The following NAV2 variants were observed in gnomAD, a reference collection of about 807,000 sequenced individuals.
NAV2 encodes the protein helicase, APC down-regulated 1.
In NAV2, 54 loss-of-function variants were observed where a neutral mutation model predicts 223.2. That is an observed-to-expected ratio of 0.24 (90% CI 0.19 to 0.30). NAV2 has a LOEUF of 0.30. NAV2 is among the 10% of genes least tolerant of loss of function. The pLI is 1.00. For synonymous variants in NAV2, 1,279 were observed against 1,239.3 expected (o/e 1.03, Z -0.67); for missense variants, 2,806 against 3,147.5 (o/e 0.89, Z 2.60).
chr11:20,076,524 T>C (rs931692171), intron 22 of NAV2, among the ~76,000 whole-genome samples: 3 of 152,244 alleles, frequency 2.0e-5, no homozygotes, highest in Non-Finnish European at 2.9e-5. Context: ...TAATGGCTTC[T>C]TCAGTCTATT....
At chr11:20,083,291 T>C (rs1233225635) in intron 26 of NAV2, 112 bp downstream of exon 26, 32 of 843,100 alleles carry the variant, frequency 3.8e-5, no homozygotes, top group Non-Finnish European at 5.3e-5. Context: ...CCTTTATGCT[T>C]TGCTTTAATA....
Position 19,413,184 on chromosome 11 carries a change from A to T in NAV2, c.75+62157A>T, listed in dbSNP as rs375066434. 1.1e-4 allele frequency among the ~76,000 whole-genome samples: 17 copies of T among 152,278 alleles called. No homozygotes were observed. In the East Asian group the frequency reaches 3.1e-3, roughly 28 times the overall value. On this transcript the variant is annotated intron_variant, in intron 1 of 37. Transcript: ENST00000360655. ...CAAGGAAGCTAAGAACCTTGAAAAA[A>T]GGTTAGAGGAATTGGTAACGAGAAT...
chr11:19,992,967 A>G (rs61877344), intron 11 of NAV2, among the ~76,000 whole-genome samples: 1 of 152,226 alleles, frequency 6.6e-6, no homozygotes, highest in African/African-American at 2.4e-5. Context: ...ATCATTGTTC[A>G]AAGTGTGGAG....
At chr11:19,795,072 T>A (rs1033125024) in intron 1 of NAV2, among the ~76,000 whole-genome samples, 1 of 152,182 alleles carries the variant, frequency 6.6e-6, no homozygotes, top group African/African-American at 2.4e-5. Flanking sequence ...GCAAACAAGG[T>A]TGAATAACCT....
chr11:19,634,987 C>T (rs1010952772), intron 1 of NAV2, among the ~76,000 whole-genome samples: 21 of 152,184 alleles, frequency 1.4e-4, no homozygotes, highest in African/African-American at 4.8e-4. Flanking sequence ...TAATAAGTGT[C>T]TACAAAATTT....
Position 20,022,914 on chromosome 11 carries a change from TG to T in NAV2, c.2769-13040del, listed in dbSNP as rs369488246. 5 of 1,365,612 alleles carry T rather than the reference TG, an allele frequency of 3.7e-6. No individual in the cohort carries two copies. In the East Asian group the frequency reaches 1.3e-4, roughly 35 times the overall value. 84.6% of individuals were successfully genotyped at this position (1,365,612 alleles called of 1,614,324 possible). On this transcript the variant is annotated intron_variant, in intron 11 of 37. Coordinates refer to ENST00000349880, the MANE Select transcript of NAV2 (RefSeq NM_145117.5). ...TCAGCACTTCAGAGGTTAATTTTGT[TG>T]GGGGATCGGATTTCTTTCCTGGCCT...
At chr11:19,485,219 G>T (rs910370892) in intron 1 of NAV2, among the ~76,000 whole-genome samples, 8 of 152,094 alleles carry the variant, frequency 5.3e-5, no homozygotes, top group African/African-American at 1.9e-4. Flanking sequence ...TTCCCTGCTT[G>T]GTGATGTCTC....
chr11:19,418,124 A>G (rs1850456553), intron 1 of NAV2, among the ~76,000 whole-genome samples: 3 of 152,204 alleles, frequency 2.0e-5, no homozygotes, highest in Admixed American at 2.0e-4. Context: ...ATGAAAAACA[A>G]CAAAACAAAA....
At chr11:19,812,896 T>G in intron 1 of NAV2, among the ~76,000 whole-genome samples, 1 of 152,164 alleles carries the variant, frequency 6.6e-6, no homozygotes, top group Non-Finnish European at 1.5e-5. Context: ...TTGCACAAAT[T>G]GCATCATGAA....
chr11:19,653,710 A>G (rs889148495), intron 1 of NAV2, among the ~76,000 whole-genome samples: 3 of 152,244 alleles, frequency 2.0e-5, no homozygotes, highest in Non-Finnish European at 2.9e-5. Flanking sequence ...CATCCTGTAT[A>G]TGAACACACT....
chr11:19,605,730 A>T (rs1287384492), intron 1 of NAV2, among the ~76,000 whole-genome samples: 1 of 152,228 alleles, frequency 6.6e-6, no homozygotes, highest in Non-Finnish European at 1.5e-5. Flanking sequence ...CTCTTTCTCA[A>T]TGCAGACTTT....
chr11:19,776,563 T>C (rs1245292283), intron 1 of NAV2, among the ~76,000 whole-genome samples: 2 of 137,068 alleles, frequency 1.5e-5, no homozygotes, highest in African/African-American at 5.9e-5. Flanking sequence ...ACGCAGCGTG[T>C]GGGCTGGGGC....
At chr11:19,406,333 C>T (rs914202067) in intron 1 of NAV2, among the ~76,000 whole-genome samples, 1 of 152,192 alleles carries the variant, frequency 6.6e-6, no homozygotes, top group African/African-American at 2.4e-5. Context: ...AATGAGGGTC[C>T]TGTCTAATAG....
chr11:19,414,931 G>C (rs1850300252), intron 1 of NAV2, among the ~76,000 whole-genome samples: 1 of 152,144 alleles, frequency 6.6e-6, no homozygotes, highest in Non-Finnish European at 1.5e-5. Context: ...GAATCTCTGG[G>C]ATACAGCTAA....
chr11:19,524,508 G>A (rs1590406283), intron 1 of NAV2, among the ~76,000 whole-genome samples: 1 of 152,286 alleles, frequency 6.6e-6, no homozygotes. Context: ...TGGCTCCTTG[G>A]CAGGCTTGGA....
chr11:19,886,612 C>T (rs1055303232), intron 5 of NAV2, among the ~76,000 whole-genome samples: 11 of 152,162 alleles, frequency 7.2e-5, no homozygotes, highest in African/African-American at 2.7e-4. Flanking sequence ...GGGAGGAAAC[C>T]TGAAATTTAG....
At chr11:20,050,790 A>G (rs915749668) in intron 16 of NAV2, among the ~76,000 whole-genome samples, 1 of 152,202 alleles carries the variant, frequency 6.6e-6, no homozygotes, top group African/African-American at 2.4e-5. Context: ...TTACAGATGA[A>G]TTCCAAATAT....
At chr11:20,079,436 C>A (rs1468028772) in intron 24 of NAV2, among the ~76,000 whole-genome samples, 4 of 152,178 alleles carry the variant, frequency 2.6e-5, no homozygotes, top group Admixed American at 2.6e-4. Flanking sequence ...TTCTCAAAGA[C>A]CAGCCTTTAG....
At chr11:19,545,657 G>A (rs890209092) in intron 1 of NAV2, among the ~76,000 whole-genome samples, 9 of 152,030 alleles carry the variant, frequency 5.9e-5, no homozygotes, top group East Asian at 1.9e-4. Context: ...AAGCACTAGG[G>A]AAATCTCCTA....
Sources: gnomAD v4.1 joint callset for allele counts (sites outside exome capture counted in the v4.1 genomes callset) on GRCh38, gnomAD v4.1.1 for gene constraint, MANE v1.5 for transcripts, NCBI Gene and HGNC (gene_info 2026-07-23, HGNC 2026-07-21) for gene names.